Variants in LRFN2 observed in about 807,000 individuals in gnomAD.
LRFN2 encodes the protein leucine rich repeat and fibronectin type III domain containing 2.
In LRFN2, 18 loss-of-function variants were observed where a neutral mutation model predicts 37.3. The observed-to-expected ratio is 0.48, with a 90% CI of 0.33 to 0.72. LRFN2 has a LOEUF of 0.72. LRFN2 is among the 30% of genes least tolerant of loss of function. The pLI is 0.02. For missense variants in LRFN2, 1,006 were observed against 1,060.7 expected (o/e 0.95, Z 0.72); for synonymous variants, 556 against 466.6 (o/e 1.19, Z -2.47).
At chr6:40,426,003 A>G (rs1322472363) in intron 2 of LRFN2, among the ~76,000 whole-genome samples, 1 of 152,266 alleles carries the variant, frequency 6.6e-6, no homozygotes, top group East Asian at 1.9e-4. Context: ...GAGGTGGGTC[A>G]CTGGTGACCT....
At chr6:40,514,584 A>C in intron 1 of LRFN2, among the ~76,000 whole-genome samples, 1 of 152,016 alleles carries the variant, frequency 6.6e-6, no homozygotes, top group East Asian at 1.9e-4. Context: ...CAAAGTGCTG[A>C]GATTACAGGT....
At chr6:40,583,091 T>C (rs1391190760) in intron 1 of LRFN2, among the ~76,000 whole-genome samples, 1 of 151,996 alleles carries the variant, frequency 6.6e-6, no homozygotes. Flanking sequence ...GGGGACAATA[T>C]CGCCCCCAAG....
chr6:40,463,740 G>A (rs1374554314), intron 1 of LRFN2, among the ~76,000 whole-genome samples: 3 of 134,772 alleles, frequency 2.2e-5, no homozygotes, highest in African/African-American at 8.2e-5. Context: ...GCAGTGGCAC[G>A]ATCACGGCTC....
chr6:40,478,409 T>C (rs900310732), intron 1 of LRFN2, among the ~76,000 whole-genome samples: 3 of 152,238 alleles, frequency 2.0e-5, no homozygotes, highest in Admixed American at 6.5e-5. Context: ...AAGCCCCTTA[T>C]ACATTCATTT....
chr6:40,513,326 C>T (rs565394735), intron 1 of LRFN2, among the ~76,000 whole-genome samples: 4 of 152,060 alleles, frequency 2.6e-5, no homozygotes, highest in African/African-American at 9.7e-5. Flanking sequence ...CTCTGCCTCC[C>T]GGATTCAAGC....
chr6:40,439,048 G>C (rs1763764646), intron 1 of LRFN2, among the ~76,000 whole-genome samples: 1 of 152,220 alleles, frequency 6.6e-6, no homozygotes, highest in South Asian at 2.1e-4. Context: ...CCAGCCAGGG[G>C]CTTCCTCCCC....
chr6:40,560,179 T>G (rs1051763270), intron 1 of LRFN2, among the ~76,000 whole-genome samples: 3 of 152,222 alleles, frequency 2.0e-5, no homozygotes, highest in Non-Finnish European at 4.4e-5. Context: ...GTTTGTGAAC[T>G]GAAGGGAATC....
intron 2 of LRFN2, among the ~76,000 whole-genome samples, chr6:40,409,187 G>A (rs1762909112): frequency 6.6e-6 from 1 of 152,194 alleles, no homozygotes; most frequent in African/African-American, 2.4e-5. Flanking sequence ...TCATTTCATG[G>A]AGGGGCATTG....
chr6:40,396,030 C>T (rs1360036211), intron 2 of LRFN2, among the ~76,000 whole-genome samples: 1 of 151,904 alleles, frequency 6.6e-6, no homozygotes, highest in East Asian at 1.9e-4. Context: ...TAGCCACCTT[C>T]TCCTGGGAAG....
intron 1 of LRFN2, among the ~76,000 whole-genome samples, chr6:40,547,730 G>T (rs960449179): frequency 6.6e-6 from 1 of 152,054 alleles, no homozygotes; most frequent in African/African-American, 2.4e-5. Flanking sequence ...TCCTCATCAC[G>T]AGTCTGGCCC....
intron 1 of LRFN2, among the ~76,000 whole-genome samples, chr6:40,508,272 AGGGCTTT>A (rs1263978062): frequency 1.3e-5 from 2 of 152,238 alleles, no homozygotes; most frequent in African/African-American, 4.8e-5. Flanking sequence ...GGGGCAGATC[AGGGCTTT>A]GGCCTCCTGC....
chr6:40,504,594 T>C (rs988769302), intron 1 of LRFN2, among the ~76,000 whole-genome samples: 3 of 152,168 alleles, frequency 2.0e-5, no homozygotes, highest in Middle Eastern at 3.4e-3. Context: ...AGAAATCCAC[T>C]TGAGCCATGG....
At chr6:40,524,481 G>T (rs1766187941) in intron 1 of LRFN2, among the ~76,000 whole-genome samples, 1 of 148,626 alleles carries the variant, frequency 6.7e-6, no homozygotes, top group Admixed American at 7.0e-5. Flanking sequence ...CTCATCTCTT[G>T]TCTCTCTTGG....
At chr6:40,488,232 G>T (rs994556047) in intron 1 of LRFN2, among the ~76,000 whole-genome samples, 1 of 152,020 alleles carries the variant, frequency 6.6e-6, no homozygotes, top group Non-Finnish European at 1.5e-5. Context: ...CCAGGGAATG[G>T]GTGGCTTGGC....
intron 1 of LRFN2, among the ~76,000 whole-genome samples, chr6:40,484,219 C>G (rs764975264): frequency 3.9e-5 from 6 of 152,178 alleles, no homozygotes; most frequent in African/African-American, 1.4e-4. Context: ...AAGCAGACAG[C>G]GGGCCCTGAC....
intron 1 of LRFN2, among the ~76,000 whole-genome samples, chr6:40,438,438 C>T (rs183451215): frequency 6.6e-6 from 1 of 152,260 alleles, no homozygotes; most frequent in Admixed American, 6.5e-5. Context: ...AGCAACTTGC[C>T]CCACCCTACC....
intron 1 of LRFN2, among the ~76,000 whole-genome samples, chr6:40,575,135 T>C (rs1767256132): frequency 6.6e-6 from 1 of 152,068 alleles, no homozygotes; most frequent in Non-Finnish European, 1.5e-5. Flanking sequence ...CAACTCCTGC[T>C]CAGGAACCAG....
At chr6:40,475,955 ACTTTC>A (rs531700909) in intron 1 of LRFN2, among the ~76,000 whole-genome samples, 5 of 152,298 alleles carry the variant, frequency 3.3e-5, no homozygotes, top group African/African-American at 1.2e-4. Context: ...TGGTGGTGTG[ACTTTC>A]CTTTAGTTTC....
chr6:40,549,352 G>A (rs408947), intron 1 of LRFN2, among the ~76,000 whole-genome samples: 14,275 of 152,236 alleles, frequency 0.094, 784 homozygotes, highest in Non-Finnish European at 0.12. Context: ...CAGTGACAAG[G>A]AGGGTGGTTA....
Sources: gnomAD v4.1 joint callset for allele counts (sites outside exome capture counted in the v4.1 genomes callset) on GRCh38, gnomAD v4.1.1 for gene constraint, MANE v1.5 for transcripts, NCBI Gene and HGNC (gene_info 2026-07-23, HGNC 2026-07-21) for gene names.